LDLRAD3: variants seen among roughly 807,000 people sequenced by gnomAD.
The protein encoded by LDLRAD3 is low density lipoprotein receptor class A domain containing 3.
In LDLRAD3, 20 loss-of-function variants were observed where a neutral mutation model predicts 29.4. That is an observed-to-expected ratio of 0.68 (90% confidence interval 0.48 to 0.99). The LOEUF (loss-of-function observed/expected upper bound fraction) is 0.99, where lower values mean the gene tolerates loss of function less well. Ranked by LOEUF, LDLRAD3 falls within the 50% of genes least tolerant of loss-of-function variation. The probability of loss-of-function intolerance (pLI) is 0.00; values close to 1 mark genes in which losing one functional copy is unlikely to be tolerated. For synonymous variants in LDLRAD3, 157 were observed against 192.7 expected, an observed-to-expected ratio of 0.81 and a Z score of 1.53; for missense variants, 420 against 454.3, an observed-to-expected ratio of 0.92 and a Z score of 0.69.
intron 1 of LDLRAD3, among the ~76,000 whole-genome samples, chr11:36,003,775 A>C (rs1851852548): frequency 6.6e-6 from 1 of 152,240 alleles, no homozygotes; most frequent in South Asian, 2.1e-4. Context: ...AAAGAGGTTT[A>C]GTTGACTCAC....
chr11:35,996,209 C>G (rs1471997951), intron 1 of LDLRAD3, among the ~76,000 whole-genome samples: 1 of 152,172 alleles, frequency 6.6e-6, no homozygotes, highest in African/African-American at 2.4e-5. Flanking sequence ...CGCTTTCTTC[C>G]TCTTGAACAC....
At chr11:36,040,105 G>A (rs769620653) in intron 2 of LDLRAD3, among the ~76,000 whole-genome samples, 1 of 152,118 alleles carries the variant, frequency 6.6e-6, no homozygotes, top group South Asian at 2.1e-4. Flanking sequence ...CAGTGTTCTC[G>A]CCTCGGAGAG....
intron 4 of LDLRAD3, among the ~76,000 whole-genome samples, chr11:36,189,479 A>T (rs1185414450): frequency 6.6e-6 from 1 of 151,876 alleles, no homozygotes; most frequent in Non-Finnish European, 1.5e-5. Context: ...GCGAGACTCC[A>T]TCTCAAAAAA....
chr11:36,035,365 G>A (rs1852290271), intron 1 of LDLRAD3, among the ~76,000 whole-genome samples: 1 of 152,120 alleles, frequency 6.6e-6, no homozygotes, highest in African/African-American at 2.4e-5. Context: ...CAGCACTGGT[G>A]TTCTCTCTTT....
intron 1 of LDLRAD3, among the ~76,000 whole-genome samples, chr11:35,987,337 G>A (rs1851627791): frequency 6.6e-6 from 1 of 152,168 alleles, no homozygotes; most frequent in African/African-American, 2.4e-5. Context: ...AGGGTTTGGG[G>A]CATGATTGAT....
chr11:36,059,965 C>CT (rs1197588149), intron 2 of LDLRAD3, among the ~76,000 whole-genome samples: 3 of 152,186 alleles, frequency 2.0e-5, no homozygotes, highest in Non-Finnish European at 4.4e-5. Flanking sequence ...ACTAAAAAGT[C>CT]TAAGTGCTTT....
intron 4 of LDLRAD3, among the ~76,000 whole-genome samples, chr11:36,210,644 T>C (rs2133381323): frequency 6.6e-6 from 1 of 152,178 alleles, no homozygotes; most frequent in Non-Finnish European, 1.5e-5. Flanking sequence ...ATTCAAATGC[T>C]CCACCAAGAC....
At chr11:36,210,411 C>T (rs1180906553) in intron 4 of LDLRAD3, among the ~76,000 whole-genome samples, 1 of 152,130 alleles carries the variant, frequency 6.6e-6, no homozygotes, top group Non-Finnish European at 1.5e-5. Flanking sequence ...GCTCTCCAGT[C>T]TGTCTTAGGT....
intron 1 of LDLRAD3, among the ~76,000 whole-genome samples, chr11:35,959,933 C>T (rs142300911): frequency 2.4e-4 from 37 of 152,032 alleles, no homozygotes; most frequent in African/African-American, 7.0e-4. Flanking sequence ...CTCCATCCCC[C>T]GCCAAAAAAA....
chr11:36,193,813 C>T (rs1854991529), intron 4 of LDLRAD3, among the ~76,000 whole-genome samples: 1 of 152,078 alleles, frequency 6.6e-6, no homozygotes, highest in Non-Finnish European at 1.5e-5. Flanking sequence ...GAAAAGCCAC[C>T]GAGTGTAGTG....
intron 1 of LDLRAD3, among the ~76,000 whole-genome samples, chr11:35,984,701 G>T (rs571330964): frequency 5.3e-5 from 8 of 152,170 alleles, no homozygotes; most frequent in African/African-American, 1.9e-4. Context: ...ATGTGATCTT[G>T]GCTCACCGCA....
intron 4 of LDLRAD3, among the ~76,000 whole-genome samples, chr11:36,108,164 A>G (rs1853555937): frequency 6.6e-6 from 1 of 151,524 alleles, no homozygotes; most frequent in Non-Finnish European, 1.5e-5. Flanking sequence ...AAAATACAAA[A>G]ACAAAATTAG....
rs573731108 is a variant in LDLRAD3 at position 36,008,006 on chromosome 11, G to A, written c.47-28097G>A. Among the ~76,000 whole-genome samples the A allele has an allele frequency of 3.3e-5, 5 of 152,282 alleles. No individual in the cohort carries two copies. The East Asian group carries it at 9.7e-4, about 29-fold the overall frequency. On this transcript the variant is annotated intron_variant, in intron 1 of 5. Transcript: ENST00000315571. Reference sequence around the variant, plus strand: ...AGTTTACTCCACGTGACCTCTGGTGGACTGTTCAGCCTACCTGAGTGGCCT... The same window carrying A: ...AGTTTACTCCACGTGACCTCTGGTGAACTGTTCAGCCTACCTGAGTGGCCT...
intron 1 of LDLRAD3, among the ~76,000 whole-genome samples, chr11:35,958,155 T>C (rs900715408): frequency 2.0e-5 from 3 of 152,212 alleles, no homozygotes; most frequent in Non-Finnish European, 4.4e-5. Context: ...ACTAGCCACC[T>C]GGGGCTACTG....
At chr11:36,056,108 G>T (rs1177593990) in intron 2 of LDLRAD3, among the ~76,000 whole-genome samples, 2 of 148,248 alleles carry the variant, frequency 1.3e-5, no homozygotes, top group East Asian at 4.1e-4. Flanking sequence ...CAATTCTCCT[G>T]CCTCAGCCTC....
chr11:36,200,406 C>T (rs1855110518), intron 4 of LDLRAD3, among the ~76,000 whole-genome samples: 1 of 152,160 alleles, frequency 6.6e-6, no homozygotes, highest in African/African-American at 2.4e-5. Context: ...CCTCATTACT[C>T]CCTAACCTCC....
intron 1 of LDLRAD3, among the ~76,000 whole-genome samples, chr11:35,974,282 G>A (rs116021124): frequency 0.021 from 3,213 of 152,152 alleles, 120 homozygotes; most frequent in African/African-American, 0.071. Context: ...TATATCATGT[G>A]AGAGTGAGGG....
chr11:35,958,905 G>T (rs768958173), intron 1 of LDLRAD3, among the ~76,000 whole-genome samples: 1 of 151,920 alleles, frequency 6.6e-6, no homozygotes, highest in South Asian at 2.1e-4. Context: ...CGCTGCTCTC[G>T]TCTAGATTGC....
intron 4 of LDLRAD3, among the ~76,000 whole-genome samples, chr11:36,155,476 T>C (rs550316158): frequency 6.6e-6 from 1 of 152,338 alleles, no homozygotes; most frequent in African/African-American, 2.4e-5. Context: ...CAGCTCATCT[T>C]TGCTCCCTGT....
Sources: allele counts gnomAD v4.1 joint callset (sites outside exome capture counted in the v4.1 genomes callset), GRCh38; gene constraint gnomAD v4.1.1; transcripts MANE v1.5; gene names NCBI Gene and HGNC (gene_info 2026-07-23, HGNC 2026-07-21).